FSTL4: variants seen among roughly 807,000 people sequenced by gnomAD.
The protein encoded by FSTL4 is follistatin-related protein 4.
A neutral mutation model predicts 78.2 loss-of-function variants in FSTL4; 28 were observed. The ratio of observed to expected loss-of-function variants is 0.36; its 90% confidence interval spans 0.27 to 0.49. FSTL4 has a LOEUF of 0.49. FSTL4 is among the 20% of genes least tolerant of loss of function. FSTL4 has a pLI of 0.98. For missense variants in FSTL4, 922 were observed against 1,084.9 expected (o/e 0.85, Z 2.11); for synonymous variants, 422 against 440.5 (o/e 0.96, Z 0.53).
At chr5:133,415,138 G>A (rs1188843655) in intron 3 of FSTL4, among the ~76,000 whole-genome samples, 4 of 152,254 alleles carry the variant, frequency 2.6e-5, no homozygotes, top group Admixed American at 2.6e-4. Flanking sequence ...ACTGAGTTGA[G>A]TTTGAAGTAT....
At chr5:133,423,773 C>T (rs1756748298) in intron 3 of FSTL4, among the ~76,000 whole-genome samples, 1 of 152,168 alleles carries the variant, frequency 6.6e-6, no homozygotes, top group African/African-American at 2.4e-5. Context: ...AGACAAATGA[C>T]TCATGACTGA....
At chr5:133,274,204 A>T (rs1752828183) in intron 6 of FSTL4, among the ~76,000 whole-genome samples, 1 of 152,052 alleles carries the variant, frequency 6.6e-6, no homozygotes, top group Admixed American at 6.5e-5. Context: ...GGTGGTTCCC[A>T]TTTCCTGAAC....
intron 4 of FSTL4, among the ~76,000 whole-genome samples, chr5:133,380,626 C>T (rs986215058): frequency 3.3e-5 from 5 of 151,810 alleles, no homozygotes; most frequent in African/African-American, 1.2e-4. Context: ...TCTTCATAAA[C>T]TCTTCCACAA....
intron 2 of FSTL4, among the ~76,000 whole-genome samples, chr5:133,569,383 C>G (rs979409078): frequency 1.3e-5 from 2 of 152,236 alleles, no homozygotes; most frequent in African/African-American, 2.4e-5. Flanking sequence ...AAGTGACAGG[C>G]TGGCTTTTAG....
chr5:133,367,025 T>C (rs565482667), intron 4 of FSTL4, among the ~76,000 whole-genome samples: 56 of 152,324 alleles, frequency 3.7e-4, no homozygotes, highest in African/African-American at 1.3e-3. Flanking sequence ...TCCCCAGCCA[T>C]TCAGGGTCCT....
the FSTL4 span, among the ~76,000 whole-genome samples, chr5:133,823,649 G>T: frequency 6.6e-6 from 1 of 152,294 alleles, no homozygotes. Flanking sequence ...GAAACCAGGG[G>T]AGTCCTGCTT....
chr5:133,716,539 A>G, the FSTL4 span, among the ~76,000 whole-genome samples: 7 of 152,178 alleles, frequency 4.6e-5, no homozygotes, highest in African/African-American at 1.4e-4. Context: ...AGGCAGGACC[A>G]CGGAACTACT....
rs112820126 is a variant in FSTL4 at position 133,474,970 on chromosome 5, T to C, written c.161-73984A>G. On this transcript the variant is annotated intron_variant, in intron 3 of 15. Transcript: ENST00000265342. Reference sequence around the variant, plus strand: ...AAGTCATTCCGTGGCCCCGAAGTCATCCTAATGTTAGGTTCCCAAAGGCTG... The same window carrying C: ...AAGTCATTCCGTGGCCCCGAAGTCACCCTAATGTTAGGTTCCCAAAGGCTG... Among the ~76,000 whole-genome samples the C allele has an allele frequency of 6.0e-3, 910 of 152,266 alleles. 7 individuals are homozygous for C. The highest frequency in any genetic ancestry group is 0.021 in the African/African-American group (874 of 41,532).
chr5:133,710,776 G>A, the FSTL4 span, among the ~76,000 whole-genome samples: 3 of 152,224 alleles, frequency 2.0e-5, no homozygotes, highest in African/African-American at 7.2e-5. Flanking sequence ...TTTGAAGACA[G>A]TTTCAGCATC....
Position 133,522,998 on chromosome 5 carries a change from CT to C in FSTL4, c.160+44187del, listed in dbSNP as rs563147951. On this transcript the variant is annotated intron_variant, in intron 3 of 15. Coordinates refer to ENST00000265342, the MANE Select transcript of FSTL4 (RefSeq NM_015082.2). Reference sequence around the variant, plus strand: ...TGCCCCTGCCACCCCCGAGTCCCCCCTACCCCACATTCATGTTAAAATCCTA... The same window carrying C: ...TGCCCCTGCCACCCCCGAGTCCCCCCACCCCACATTCATGTTAAAATCCTA... Among the ~76,000 whole-genome samples the C allele has an allele frequency of 3.6e-3, 550 of 152,096 alleles. 11 individuals are homozygous for C. The highest frequency in any genetic ancestry group is 1.2e-3 in the Non-Finnish European group (79 of 67,966).
chr5:133,737,892 C>A, the FSTL4 span, among the ~76,000 whole-genome samples: 1 of 152,072 alleles, frequency 6.6e-6, no homozygotes, highest in Non-Finnish European at 1.5e-5. Flanking sequence ...CGTGAGCCAC[C>A]GCGCCCGGCC....
the FSTL4 span, among the ~76,000 whole-genome samples, chr5:133,776,742 G>T: frequency 6.6e-6 from 1 of 152,146 alleles, no homozygotes; most frequent in Non-Finnish European, 1.5e-5. Flanking sequence ...AAAATGGTTT[G>T]CAGGCTGGTG....
chr5:133,401,357 A>G (rs1488990163), intron 3 of FSTL4, among the ~76,000 whole-genome samples: 1 of 152,216 alleles, frequency 6.6e-6, no homozygotes, highest in African/African-American at 2.4e-5. Flanking sequence ...CGTGCTCACA[A>G]AGAAGCACCT....
chr5:133,379,193 T>G (rs760078254), intron 4 of FSTL4, among the ~76,000 whole-genome samples: 1 of 152,138 alleles, frequency 6.6e-6, no homozygotes, highest in Non-Finnish European at 1.5e-5. Flanking sequence ...ATAAAAGGGC[T>G]AATCAATTTG....
chr5:133,524,826 CCACCCACTGGG>C (rs1358902367), intron 3 of FSTL4, among the ~76,000 whole-genome samples: 3 of 152,196 alleles, frequency 2.0e-5, no homozygotes, highest in Non-Finnish European at 2.9e-5. Flanking sequence ...GTGAGTGAGG[CCACCCACTGGG>C]CACCCACTCA....
At position 133,315,253 on chromosome 5, in the gene FSTL4, C is replaced by G. The variant is rs374423143; in HGVS notation, c.603+1206G>C. The stretch of plus-strand genomic sequence containing the variant: ...CATGATGACCCTGTGAGGTTCACAG[C>G]TGAACACAGAGGCACAGCGAAACGA... On this transcript the variant is annotated intron_variant, in intron 5 of 15. Coordinates refer to ENST00000265342, the MANE Select transcript of FSTL4 (RefSeq NM_015082.2). 7.9e-5 allele frequency among the ~76,000 whole-genome samples: 12 copies of G among 152,342 alleles called. No individual in the cohort carries two copies. In the East Asian group the frequency reaches 1.5e-3, roughly 20 times the overall value.
intron 3 of FSTL4, among the ~76,000 whole-genome samples, chr5:133,427,416 C>A (rs1203985155): frequency 1.3e-5 from 2 of 152,202 alleles, no homozygotes; most frequent in Non-Finnish European, 2.9e-5. Context: ...CGAGGCTTGC[C>A]TTTCTCAATT....
At chr5:133,713,417 G>A in the FSTL4 span, among the ~76,000 whole-genome samples, 6 of 152,198 alleles carry the variant, frequency 3.9e-5, no homozygotes, top group Admixed American at 1.3e-4. Flanking sequence ...GCTACCCCTT[G>A]CTGCAAGATC....
the FSTL4 span, among the ~76,000 whole-genome samples, chr5:133,732,879 A>AACAGGGAGATGG: frequency 1.3e-5 from 2 of 152,178 alleles, no homozygotes; most frequent in Non-Finnish European, 2.9e-5. Flanking sequence ...CCAGCCAGTG[A>AACAGGGAGATGG]ACAGGGAGAT....
Sources: allele counts gnomAD v4.1 joint callset (sites outside exome capture counted in the v4.1 genomes callset), GRCh38; gene constraint gnomAD v4.1.1; transcripts MANE v1.5; gene names NCBI Gene and HGNC (gene_info 2026-07-23, HGNC 2026-07-21).